The following ATL1 variants were observed in gnomAD, a reference collection of about 807,000 sequenced individuals.
ATL1 encodes the protein atlastin-1.
Under a neutral mutation model 75.5 loss-of-function variants are expected in ATL1, and 31 were observed. That is an observed-to-expected ratio of 0.41 (90% confidence interval 0.31 to 0.55). The LOEUF (loss-of-function observed/expected upper bound fraction) is 0.55, where lower values mean the gene tolerates loss of function less well. Among genes scored for constraint, ATL1 ranks in the 20% least tolerant of loss-of-function variants. The pLI, the probability that ATL1 is intolerant of heterozygous loss-of-function variation, is 0.27. For missense variants in ATL1, 405 were observed against 662.6 expected (o/e 0.61, Z 4.27); for synonymous variants, 226 against 233.3 (o/e 0.97, Z 0.28).
At chr14:50,574,383 A>T (rs542843845) in intron 1 of ATL1, among the ~76,000 whole-genome samples, 1 of 152,344 alleles carries the variant, frequency 6.6e-6, no homozygotes, top group South Asian at 2.1e-4. Context: ...CCAAGAAAGG[A>T]TTGCAAGAAT....
chr14:50,616,690 TAA>T (rs1323856853), intron 8 of ATL1, among the ~76,000 whole-genome samples: 3 of 152,142 alleles, frequency 2.0e-5, no homozygotes, highest in Admixed American at 1.3e-4. Context: ...CAGTTAACTA[TAA>T]GTTATGAGTT....
intron 6 of ATL1, among the ~76,000 whole-genome samples, chr14:50,612,759 G>A (rs2039377737): frequency 6.6e-6 from 1 of 152,020 alleles, no homozygotes; most frequent in South Asian, 2.1e-4. Flanking sequence ...GATGGGATGT[G>A]GGGTGCATTT....
At chr14:50,538,575 T>C (rs1055461604) in intron 1 of ATL1, among the ~76,000 whole-genome samples, 1 of 152,218 alleles carries the variant, frequency 6.6e-6, no homozygotes, top group African/African-American at 2.4e-5. Context: ...ATAACAGGTA[T>C]GTTCAAAAGG....
chr14:50,632,188 G>GTT (rs1207852236), intron 13 of ATL1, 41 bp from the exon 14 acceptor site: 2 of 1,460,918 alleles, frequency 1.4e-6, no homozygotes, highest in Non-Finnish European at 1.9e-6. Context: ...ACATCTGTGT[G>GTT]TTTAATAAAA....
At chr14:50,589,155 CTTTTTTTTT>C (rs34191629) in intron 2 of ATL1, among the ~76,000 whole-genome samples, 1 of 109,428 alleles carries the variant, frequency 9.1e-6, no homozygotes, top group East Asian at 2.7e-4. Flanking sequence ...TTCTTTCTTT[CTTTTTTTTT>C]TTTTTTTTTT....
At chr14:50,632,165 AG>A in intron 13 of ATL1, 63 bp from the exon 14 acceptor site, 1 of 1,204,494 alleles carries the variant, frequency 8.3e-7, no homozygotes, top group South Asian at 1.4e-5. Context: ...TAAACTAAAA[AG>A]GAAAAAATTT....
intron 1 of ATL1, among the ~76,000 whole-genome samples, chr14:50,574,937 G>GTGTGTATA (rs1475087119): frequency 2.5e-3 from 58 of 23,152 alleles, no homozygotes; most frequent in Non-Finnish European, 4.0e-3. Flanking sequence ...GTGTGTGTGT[G>GTGTGTATA]TATATATATA....
At chr14:50,613,028 A>C (rs1203189986) in intron 6 of ATL1, among the ~76,000 whole-genome samples, 2 of 152,120 alleles carry the variant, frequency 1.3e-5, no homozygotes, top group Non-Finnish European at 2.9e-5. Flanking sequence ...GGGTGCGTTC[A>C]TGCTGGCATT....
chr14:50,604,445 A>G (rs1181475871), intron 6 of ATL1, among the ~76,000 whole-genome samples: 1 of 152,134 alleles, frequency 6.6e-6, no homozygotes, highest in Non-Finnish European at 1.5e-5. Context: ...TTCATAAAGC[A>G]TGTGTACGAT....
chr14:50,628,778 G>T (rs369239153), intron 12 of ATL1, among the ~76,000 whole-genome samples: 2 of 152,172 alleles, frequency 1.3e-5, no homozygotes, highest in African/African-American at 4.8e-5. Flanking sequence ...GTGCAGTGGC[G>T]TGATCTCAGC....
In ATL1 at chr14:50,607,208, G is replaced by C. The variant is rs762948242; in HGVS notation, c.631-6051G>C. On this transcript the variant is annotated intron_variant, in intron 6 of 13. Coordinates refer to ENST00000358385, the MANE Select transcript of ATL1 (RefSeq NM_015915.5). The stretch of plus-strand genomic sequence containing the variant: ...TCACAGAGGATGCTGCCAAGTGAAG[G>C]CATTCAAAAATGGTACAATGAGACG... 5.9e-5 allele frequency among the ~76,000 whole-genome samples: 9 copies of C among 152,088 alleles called. 1 individual carries two copies. The South Asian group carries it at 1.0e-3, about 18-fold the overall frequency.
intron 6 of ATL1, among the ~76,000 whole-genome samples, chr14:50,596,957 C>G (rs2039223418): frequency 6.6e-6 from 1 of 151,852 alleles, no homozygotes; most frequent in African/African-American, 2.4e-5. Flanking sequence ...CACCTGTAAT[C>G]CCAGCACTTT....
Position 50,620,624 on chromosome 14 carries a change from C to G in ATL1, c.888C>G (p.Asn296Lys). 6.2e-7 allele frequency: 1 copy of G among 1,613,274 alleles called. No homozygotes were observed. The highest frequency in any genetic ancestry group is 8.5e-7 in the Non-Finnish European group (1 of 1,179,448). ...AAATAGATGATGAATTCATCAAAAA[C>G]TTGAAAATACTGATTCCTTGGCTAC... ...LKEIDDEFIK[N>K]LKILIPWLLS... is the part of the protein sequence containing the mutation. The change falls in exon 9 of 14, where the codon AAC (asparagine) becomes AAG (lysine). Residue 296 changes from asparagine to lysine, a missense_variant. Transcript: ENST00000358385.
rs2140201641 is a variant in ATL1 at position 50,587,821 on chromosome 14, T to C, written c.35-10T>C. Reference sequence around the variant, plus strand: ...TGATTAGCTGAACCAGTCACTGCTCTGTTCAACAGGTGGATTTTCGGAAAA... The same window carrying C: ...TGATTAGCTGAACCAGTCACTGCTCCGTTCAACAGGTGGATTTTCGGAAAA... On this transcript the variant is annotated splice_polypyrimidine_tract_variant and intron_variant, in intron 1 of 13. Transcript: ENST00000358385. 1.2e-6 allele frequency: 2 copies of C among 1,614,210 alleles called. No individual in the cohort carries two copies. The highest frequency in any genetic ancestry group is 1.7e-6 in the Non-Finnish European group (2 of 1,180,034).
At chr14:50,588,361 TG>T (rs1349110319) in intron 2 of ATL1, among the ~76,000 whole-genome samples, 6 of 152,228 alleles carry the variant, frequency 3.9e-5, no homozygotes, top group African/African-American at 1.4e-4. Context: ...TAGACTTAAA[TG>T]TTATAGTGTT....
intron 2 of ATL1, among the ~76,000 whole-genome samples, chr14:50,588,950 C>A (rs1359086609): frequency 6.6e-6 from 1 of 152,020 alleles, no homozygotes; most frequent in African/African-American, 2.4e-5. Context: ...CAATTTCTAC[C>A]TCAATAGTAA....
At chr14:50,542,006 CAAAAAAAAAAAAAAAAAAAAAAAAAAAAA>C (rs59075218) in intron 1 of ATL1, among the ~76,000 whole-genome samples, 41 of 62,462 alleles carry the variant, frequency 6.6e-4, no homozygotes, top group African/African-American at 7.1e-4. Context: ...GATTCCGTCT[CAAAAAAAAAAAAAAAAAAAAAAAAAAAAA>C]AAAAAAAAAA....
At chr14:50,578,615 AT>A (rs2039028702) in intron 1 of ATL1, among the ~76,000 whole-genome samples, 1 of 152,190 alleles carries the variant, frequency 6.6e-6, no homozygotes, top group Non-Finnish European at 1.5e-5. Flanking sequence ...TTTCAGAGTT[AT>A]ACCATATTGT....
At chr14:50,625,130 A>T (rs1446683745) in intron 11 of ATL1, among the ~76,000 whole-genome samples, 2 of 152,172 alleles carry the variant, frequency 1.3e-5, no homozygotes, top group Non-Finnish European at 2.9e-5. Context: ...TAAAAAAGTG[A>T]AACAGCTTTT....
Sources: gnomAD v4.1 joint callset for allele counts (sites outside exome capture counted in the v4.1 genomes callset) on GRCh38, gnomAD v4.1.1 for gene constraint, MANE v1.5 for transcripts, NCBI Gene and HGNC (gene_info 2026-07-23, HGNC 2026-07-21) for gene names.